Variants in CCDC3 observed in about 807,000 individuals in gnomAD.
The protein encoded by CCDC3 is coiled-coil domain-containing protein 3.
CCDC3 carries 24 observed loss-of-function variants against 21.4 expected under a neutral mutation model. The observed-to-expected ratio is 1.12, with a 90% CI of 0.81 to 1.58. The LOEUF (loss-of-function observed/expected upper bound fraction) is 1.58, where lower values mean the gene tolerates loss of function less well. Ranked by LOEUF, CCDC3 falls within the 40% of genes most tolerant of loss-of-function variation. CCDC3 has a pLI of 0.00. For missense variants in CCDC3, 425 were observed against 360.9 expected, an observed-to-expected ratio of 1.18 and a Z score of -1.44; for synonymous variants, 186 against 166.0, an observed-to-expected ratio of 1.12 and a Z score of -0.93.
At chr10:13,037,836 A>T (rs1317276568) in intron 5 of CCDC3, among the ~76,000 whole-genome samples, 1 of 152,086 alleles carries the variant, frequency 6.6e-6, no homozygotes, top group African/African-American at 2.4e-5. Context: ...GCATCCTTTG[A>T]TCTTGTAGGC....
intron 4 of CCDC3, chr10:13,058,140 A>G: frequency 2.3e-6 from 2 of 867,646 alleles, no homozygotes; most frequent in Non-Finnish European, 3.9e-6. Flanking sequence ...TAACCAGGGA[A>G]TCATTTGGTA....
chr10:13,041,268 T>C (rs1233571350), intron 5 of CCDC3, among the ~76,000 whole-genome samples: 1 of 152,120 alleles, frequency 6.6e-6, no homozygotes, highest in Admixed American at 6.5e-5. Context: ...TTGTCTTCAA[T>C]TAAAAATAAA....
chr10:12,992,864 T>C (rs950612217), intron 2 of CCDC3, among the ~76,000 whole-genome samples: 10 of 152,172 alleles, frequency 6.6e-5, no homozygotes, highest in Non-Finnish European at 7.4e-5. Context: ...TGGCTACTTA[T>C]TTGGAGGATT....
intron 4 of CCDC3, among the ~76,000 whole-genome samples, chr10:13,053,107 T>C (rs1836634180): frequency 6.6e-6 from 1 of 152,070 alleles, no homozygotes; most frequent in Admixed American, 6.6e-5. Flanking sequence ...GGAAAAAGGA[T>C]TTTTCCTCTC....
chr10:12,951,714 A>G (rs1246934434), intron 2 of CCDC3, among the ~76,000 whole-genome samples: 1 of 143,858 alleles, frequency 7.0e-6, no homozygotes, highest in Non-Finnish European at 1.5e-5. Context: ...CTGAGGCAGG[A>G]GAATCACTTG....
At chr10:13,099,615 A>G (rs1302499928) in exon 1 of CCDC3, 1 of 152,160 alleles carries the variant, frequency 6.6e-6, no homozygotes, top group Non-Finnish European at 1.5e-5. Flanking sequence ...CAAGAGCCCA[A>G]GAAGCATCCT....
chr10:12,979,715 C>G (rs996112090), intron 2 of CCDC3, among the ~76,000 whole-genome samples: 1 of 152,140 alleles, frequency 6.6e-6, no homozygotes, highest in Admixed American at 6.5e-5. Context: ...CACAGATGCT[C>G]TGGTGACTTG....
At chr10:13,033,071 T>C (rs373276475) in intron 5 of CCDC3, among the ~76,000 whole-genome samples, 13 of 152,280 alleles carry the variant, frequency 8.5e-5, no homozygotes, top group African/African-American at 2.2e-4. Flanking sequence ...GGAGGCATCA[T>C]GCTACCTGAC....
intron 2 of CCDC3, among the ~76,000 whole-genome samples, chr10:12,993,690 A>G (rs1486126885): frequency 1.3e-5 from 2 of 152,202 alleles, no homozygotes; most frequent in Non-Finnish European, 2.9e-5. Flanking sequence ...CCAACGTGCC[A>G]AAGATATCCC....
chr10:13,020,975 T>C (rs1298905917), intron 5 of CCDC3, among the ~76,000 whole-genome samples: 3 of 152,200 alleles, frequency 2.0e-5, no homozygotes, highest in South Asian at 2.1e-4. Context: ...AATGAACGAA[T>C]GAATGAATGA....
At chr10:13,015,762 G>C (rs1172352276) in intron 5 of CCDC3, among the ~76,000 whole-genome samples, 1 of 151,956 alleles carries the variant, frequency 6.6e-6, no homozygotes, top group African/African-American at 2.4e-5. Context: ...CCCCCAACTT[G>C]GGCCACTCCA....
intron 4 of CCDC3, among the ~76,000 whole-genome samples, chr10:13,069,594 CT>C (rs1378522512): frequency 2.7e-5 from 4 of 149,326 alleles, no homozygotes; most frequent in Non-Finnish European, 5.9e-5. Context: ...TGATGCCTGG[CT>C]TTTTGGATGC....
At chr10:13,049,520 G>A (rs1836575465) in intron 5 of CCDC3, among the ~76,000 whole-genome samples, 1 of 152,182 alleles carries the variant, frequency 6.6e-6, no homozygotes, top group Admixed American at 6.6e-5. Context: ...ACAAACCAAG[G>A]AGGGCAAAGC....
intron 2 of CCDC3, among the ~76,000 whole-genome samples, chr10:12,936,899 G>C (rs1834748052): frequency 6.6e-6 from 1 of 152,216 alleles, no homozygotes; most frequent in African/African-American, 2.4e-5. Context: ...ACTCCAGCCT[G>C]GGTGACCTAG....
At chr10:13,031,169 C>T (rs569293743) in intron 5 of CCDC3, among the ~76,000 whole-genome samples, 3 of 152,156 alleles carry the variant, frequency 2.0e-5, no homozygotes, top group Non-Finnish European at 4.4e-5. Flanking sequence ...TGCAATCAAA[C>T]TAGAACTCAG....
At chr10:12,967,928 T>C (rs1835285066) in intron 2 of CCDC3, among the ~76,000 whole-genome samples, 2 of 152,126 alleles carry the variant, frequency 1.3e-5, no homozygotes, top group Non-Finnish European at 1.5e-5. Context: ...CCCAGCGCTT[T>C]GGGAGGCCGA....
chr10:13,058,720 C>CA (rs1451439988), intron 4 of CCDC3: 2 of 329,674 alleles, frequency 6.1e-6, no homozygotes, highest in Non-Finnish European at 1.1e-5. Context: ...CAGAGACCTG[C>CA]AGGCCTATTA....
intron 2 of CCDC3, among the ~76,000 whole-genome samples, chr10:12,910,117 G>C (rs77967964): frequency 1.3e-5 from 2 of 152,230 alleles, no homozygotes; most frequent in East Asian, 3.8e-4. Context: ...CTGTTTATTT[G>C]GGAGAATTTA....
intron 2 of CCDC3, among the ~76,000 whole-genome samples, chr10:12,923,241 G>C (rs768297169): frequency 1.3e-5 from 2 of 152,178 alleles, no homozygotes; most frequent in Non-Finnish European, 2.9e-5. Context: ...TACACTTGCA[G>C]CATGTCATGT....
Sources: gnomAD v4.1 joint callset for allele counts (sites outside exome capture counted in the v4.1 genomes callset) on GRCh38, gnomAD v4.1.1 for gene constraint, MANE v1.5 for transcripts, NCBI Gene and HGNC (gene_info 2026-07-23, HGNC 2026-07-21) for gene names.